SAXO1: variants seen among roughly 807,000 people sequenced by gnomAD.
SAXO1 encodes the protein stabilizer of axonemal microtubules 1, also known as 4930500O09Rik.
In SAXO1, 21 loss-of-function variants were observed where a neutral mutation model predicts 17.5. The observed-to-expected ratio is 1.20, with a 90% CI of 0.85 to 1.72. The LOEUF (loss-of-function observed/expected upper bound fraction) is 1.72. SAXO1 is among the 40% of genes most tolerant of loss of function. The pLI is 0.00. For synonymous variants in SAXO1, 274 were observed against 216.5 expected, an observed-to-expected ratio of 1.27 and a Z score of -2.33; for missense variants, 843 against 596.0, an observed-to-expected ratio of 1.41 and a Z score of -4.32.
intron 1 of SAXO1, among the ~76,000 whole-genome samples, chr9:19,017,332 C>T (rs1313274735): frequency 6.6e-6 from 1 of 152,154 alleles, no homozygotes; most frequent in Non-Finnish European, 1.5e-5. Context: ...ACCTCAGCAT[C>T]ACACAATATA....
intron 1 of SAXO1, among the ~76,000 whole-genome samples, chr9:19,002,328 G>A (rs964635449): frequency 3.3e-5 from 5 of 152,154 alleles, no homozygotes; most frequent in African/African-American, 1.2e-4. Context: ...AAGAGGAGCT[G>A]GTACCATTCC....
At chr9:18,995,878 G>C (rs545536857) in intron 1 of SAXO1, among the ~76,000 whole-genome samples, 2 of 152,196 alleles carry the variant, frequency 1.3e-5, no homozygotes, top group African/African-American at 4.8e-5. Flanking sequence ...TCAGGAGTTT[G>C]AGACCAGCCT....
rs1417362870 is a variant in SAXO1, at chr9:19,007,296, G to A, written c.38+25575C>T. Among the ~76,000 whole-genome samples, 3 of 152,006 alleles carry A rather than the reference G, an allele frequency of 2.0e-5. No individual in the cohort carries two copies. The East Asian group carries it at 5.8e-4, about 29-fold the overall frequency. On this transcript the variant is annotated intron_variant, in intron 1 of 3. Transcript: ENST00000380534. ...CGGGAGGCAGAGGTTGCAGTGAGCT[G>A]AGATCGTGCCACTGCACTCCAGCCT... is the stretch of plus-strand genomic sequence containing the variant.
rs55974011 is a variant in SAXO1 at position 18,930,500 on chromosome 9, C to CT, written c.422-1446dup. 4.9e-3 allele frequency among the ~76,000 whole-genome samples: 712 copies of CT among 146,348 alleles called. 12 individuals are homozygous for CT. The highest frequency in any genetic ancestry group is 7.2e-3 in the Middle Eastern group (2 of 276). ...TTCAACTGCCTTGGCACTGCTGGAA[C>CT]TTTTTTTTTTTTATTTGAGATGGAG... On this transcript the variant is annotated intron_variant, in intron 3 of 3. Coordinates refer to ENST00000380534, the MANE Select transcript of SAXO1 (RefSeq NM_153707.4).
intron 1 of SAXO1, among the ~76,000 whole-genome samples, chr9:18,977,474 G>A (rs1272538004): frequency 6.6e-6 from 1 of 152,128 alleles, no homozygotes; most frequent in African/African-American, 2.4e-5. Flanking sequence ...GGCTTACAGA[G>A]GTTAAATCAT....
In SAXO1 at chr9:18,974,525, G is replaced by C. The variant is rs561518274; in HGVS notation, c.39-23588C>G. On this transcript the variant is annotated intron_variant, in intron 1 of 3. Coordinates refer to ENST00000380534, the MANE Select transcript of SAXO1 (RefSeq NM_153707.4). ...GGTAGAGAAATACAAGGTAAGCCTG[G>C]AACATCTTGTGTCAGAAAGTCAGGA... Among the ~76,000 whole-genome samples the C allele has an allele frequency of 9.8e-5, 15 of 152,316 alleles. 1 individual carries two copies. The South Asian group carries it at 2.9e-3, about 29-fold the overall frequency.
At chr9:19,001,809 G>A (rs959326106) in intron 1 of SAXO1, among the ~76,000 whole-genome samples, 7 of 151,818 alleles carry the variant, frequency 4.6e-5, no homozygotes, top group South Asian at 2.1e-4. Context: ...ATCTAAAATC[G>A]GCACCCTAAC....
At chr9:18,974,712 C>T (rs997385456) in intron 1 of SAXO1, among the ~76,000 whole-genome samples, 1 of 151,558 alleles carries the variant, frequency 6.6e-6, no homozygotes, top group Non-Finnish European at 1.5e-5. Flanking sequence ...TATATATATA[C>T]ATGTATAAAT....
intron 1 of SAXO1, among the ~76,000 whole-genome samples, chr9:18,960,492 T>C (rs1179931626): frequency 6.6e-6 from 1 of 152,156 alleles, no homozygotes; most frequent in African/African-American, 2.4e-5. Context: ...CAGGTCCATA[T>C]TCATGTTACT....
intron 3 of SAXO1, among the ~76,000 whole-genome samples, chr9:18,929,467 T>G (rs111915065): frequency 0.022 from 3,321 of 152,210 alleles, 129 homozygotes; most frequent in African/African-American, 0.073. Flanking sequence ...AGATAGAAAA[T>G]TCACAACCCA....
chr9:18,997,273 C>G (rs1001767140), intron 1 of SAXO1, among the ~76,000 whole-genome samples: 2 of 152,272 alleles, frequency 1.3e-5, no homozygotes, highest in African/African-American at 4.8e-5. Context: ...TCTTCACAAC[C>G]AGCAGACCAG....
chr9:18,962,603 T>A (rs998116790), intron 1 of SAXO1, among the ~76,000 whole-genome samples: 1 of 152,212 alleles, frequency 6.6e-6, no homozygotes, highest in Non-Finnish European at 1.5e-5. Flanking sequence ...GATGATAGTT[T>A]CTTTTGTGTG....
At chr9:18,955,314 A>G (rs1832213424) in intron 1 of SAXO1, among the ~76,000 whole-genome samples, 2 of 152,272 alleles carry the variant, frequency 1.3e-5, no homozygotes, top group Admixed American at 1.3e-4. Context: ...TTTAAAAATT[A>G]TTAATGAGAT....
intron 1 of SAXO1, among the ~76,000 whole-genome samples, chr9:19,000,392 G>A (rs1834212608): frequency 6.7e-6 from 1 of 148,956 alleles, no homozygotes; most frequent in Admixed American, 6.7e-5. Context: ...GGGAAGTGAG[G>A]AGCGCCTCCA....
At chr9:19,008,032 G>A (rs79771943) in intron 1 of SAXO1, among the ~76,000 whole-genome samples, 2,704 of 150,026 alleles carry the variant, frequency 0.018, 79 homozygotes, top group African/African-American at 0.061. Context: ...CAGTGGCACC[G>A]TCTCAGCTCA....
chr9:19,048,892 G>A (rs1417767626), intron 1 of SAXO1, among the ~76,000 whole-genome samples: 1 of 152,232 alleles, frequency 6.6e-6, no homozygotes, highest in Non-Finnish European at 1.5e-5. Flanking sequence ...AGCACCCACT[G>A]GAAGCCAGGA....
chr9:18,984,400 T>C (rs1833513559), intron 1 of SAXO1, among the ~76,000 whole-genome samples: 1 of 152,236 alleles, frequency 6.6e-6, no homozygotes, highest in African/African-American at 2.4e-5. Flanking sequence ...AGATGGCATC[T>C]TCTTCCAATA....
intron 1 of SAXO1, among the ~76,000 whole-genome samples, chr9:19,008,974 T>C (rs1055946974): frequency 6.6e-5 from 10 of 152,216 alleles, no homozygotes; most frequent in African/African-American, 1.2e-4. Flanking sequence ...ATCTGGCTAA[T>C]TGATGGGTCA....
At chr9:19,016,934 A>C (rs990486965) in intron 1 of SAXO1, among the ~76,000 whole-genome samples, 2 of 151,568 alleles carry the variant, frequency 1.3e-5, no homozygotes, top group Non-Finnish European at 2.9e-5. Flanking sequence ...GACGCCCCTG[A>C]CAACCACCCA....
Sources: gnomAD v4.1 joint callset for allele counts (sites outside exome capture counted in the v4.1 genomes callset) on GRCh38, gnomAD v4.1.1 for gene constraint, MANE v1.5 for transcripts, NCBI Gene and HGNC (gene_info 2026-07-23, HGNC 2026-07-21) for gene names.